FSTL5: variants seen among roughly 807,000 people sequenced by gnomAD.
FSTL5 encodes follistatin like 5, also known as follistatin-related protein 5.
Under a neutral mutation model 89.1 loss-of-function variants are expected in FSTL5, and 62 were observed. The ratio of observed to expected loss-of-function variants is 0.70; its 90% CI spans 0.57 to 0.86. FSTL5 has a LOEUF of 0.86. Among genes scored for constraint, FSTL5 ranks in the 40% least tolerant of loss-of-function variants. FSTL5 has a pLI of 0.00. For synonymous variants in FSTL5, 383 were observed against 346.2 expected, an observed-to-expected ratio of 1.11 and a Z score of -1.18; for missense variants, 1,057 against 1,001.6, an observed-to-expected ratio of 1.06 and a Z score of -0.75.
intron 4 of FSTL5, among the ~76,000 whole-genome samples, chr4:161,915,124 C>T (rs377129694): frequency 3.3e-5 from 5 of 151,972 alleles, no homozygotes; most frequent in African/African-American, 1.2e-4. Flanking sequence ...TGTTGATGGG[C>T]CATTTTTAAA....
At chr4:162,085,560 T>C (rs1730283414) in intron 2 of FSTL5, among the ~76,000 whole-genome samples, 1 of 152,150 alleles carries the variant, frequency 6.6e-6, no homozygotes, top group Non-Finnish European at 1.5e-5. Context: ...CACATATATG[T>C]ATGGAGACAT....
chr4:162,017,004 A>G (rs867458980), intron 3 of FSTL5, among the ~76,000 whole-genome samples: 1 of 152,236 alleles, frequency 6.6e-6, no homozygotes, highest in African/African-American at 2.4e-5. Context: ...TTGATCACAC[A>G]CAAGATTAAA....
chr4:161,464,386 C>T (rs1315559593), intron 13 of FSTL5, among the ~76,000 whole-genome samples: 2 of 152,110 alleles, frequency 1.3e-5, no homozygotes, highest in Non-Finnish European at 2.9e-5. Flanking sequence ...TCATAATTCA[C>T]TTTCTCAGCA....
At chr4:161,590,711 T>G (rs1431279596) in intron 7 of FSTL5, among the ~76,000 whole-genome samples, 1 of 152,188 alleles carries the variant, frequency 6.6e-6, no homozygotes, top group Non-Finnish European at 1.5e-5. Flanking sequence ...CTTCATATGC[T>G]CTACATTGGT....
intron 11 of FSTL5, among the ~76,000 whole-genome samples, chr4:161,500,754 GT>G (rs2126484976): frequency 6.6e-6 from 1 of 152,226 alleles, no homozygotes; most frequent in South Asian, 2.1e-4. Flanking sequence ...TTAATTTAAT[GT>G]TTAAATCATA....
intron 3 of FSTL5, among the ~76,000 whole-genome samples, chr4:161,927,034 CAA>C (rs1734146337): frequency 6.6e-6 from 1 of 151,650 alleles, no homozygotes; most frequent in Non-Finnish European, 1.5e-5. Flanking sequence ...ATATTAGAAA[CAA>C]AATATTTGTT....
chr4:161,812,327 T>C (rs1172052113), intron 4 of FSTL5, among the ~76,000 whole-genome samples: 1 of 152,224 alleles, frequency 6.6e-6, no homozygotes, highest in South Asian at 2.1e-4. Context: ...TTTCTCATTT[T>C]ATGCGTAGGA....
intron 15 of FSTL5, among the ~76,000 whole-genome samples, chr4:161,439,733 C>CAG (rs397804194): frequency 9.2e-4 from 137 of 148,878 alleles, no homozygotes; most frequent in African/African-American, 3.4e-3. Context: ...CACACACACA[C>CAG]CCCACACGCA....
At chr4:161,736,527 A>G (rs1739823583) in intron 6 of FSTL5, among the ~76,000 whole-genome samples, 1 of 152,152 alleles carries the variant, frequency 6.6e-6, no homozygotes, top group Admixed American at 6.6e-5. Flanking sequence ...ACATTTTAGT[A>G]TTGGATAATC....
chr4:161,735,986 T>G (rs770551856), intron 6 of FSTL5, among the ~76,000 whole-genome samples: 11 of 151,906 alleles, frequency 7.2e-5, no homozygotes, highest in Non-Finnish European at 1.6e-4. Flanking sequence ...CAGTGTAAAG[T>G]GAGAGATAAA....
chr4:161,550,690 G>C (rs573253243), intron 8 of FSTL5, among the ~76,000 whole-genome samples: 10 of 151,582 alleles, frequency 6.6e-5, no homozygotes, highest in Non-Finnish European at 2.9e-5. Context: ...CCACTAACTC[G>C]TCATCTAGCA....
chr4:161,768,931 AT>A (rs1203174655), intron 5 of FSTL5, among the ~76,000 whole-genome samples: 2 of 151,882 alleles, frequency 1.3e-5, no homozygotes, highest in African/African-American at 4.8e-5. Context: ...GATAAATAAA[AT>A]TGACAAACCT....
At chr4:161,553,423 G>A (rs1732280369) in intron 8 of FSTL5, among the ~76,000 whole-genome samples, 1 of 151,182 alleles carries the variant, frequency 6.6e-6, no homozygotes, top group African/African-American at 2.4e-5. Flanking sequence ...ATTAGGTAAA[G>A]TATAAAATTT....
At chr4:161,963,440 C>A (rs1735236947) in intron 3 of FSTL5, among the ~76,000 whole-genome samples, 1 of 151,864 alleles carries the variant, frequency 6.6e-6, no homozygotes, top group South Asian at 2.1e-4. Context: ...GTTGCTGCAA[C>A]TGAAATACTA....
intron 2 of FSTL5, among the ~76,000 whole-genome samples, chr4:162,104,470 C>T (rs1440231929): frequency 2.0e-5 from 3 of 152,178 alleles, no homozygotes; most frequent in Non-Finnish European, 4.4e-5. Flanking sequence ...GACCCACTCC[C>T]CGACCCCTGT....
At chr4:162,041,780 T>G (rs1737969416) in intron 2 of FSTL5, 1 of 152,138 alleles carries the variant, frequency 6.6e-6, no homozygotes, top group Non-Finnish European at 1.5e-5. Flanking sequence ...AGGACAGAAT[T>G]TACCACCAGA....
intron 15 of FSTL5, among the ~76,000 whole-genome samples, chr4:161,445,069 A>G (rs530379128): frequency 6.6e-6 from 1 of 152,148 alleles, no homozygotes; most frequent in Non-Finnish European, 1.5e-5. Context: ...GAGCAATACA[A>G]TCTGAAAGCA....
At chr4:161,493,224 T>C (rs1191683498) in intron 12 of FSTL5, among the ~76,000 whole-genome samples, 1 of 151,696 alleles carries the variant, frequency 6.6e-6, no homozygotes, top group Non-Finnish European at 1.5e-5. Context: ...AATAATTATA[T>C]ATATTTCAAT....
chr4:161,818,991 C>T (rs552244667), intron 4 of FSTL5, among the ~76,000 whole-genome samples: 15 of 151,960 alleles, frequency 9.9e-5, no homozygotes, highest in Non-Finnish European at 1.9e-4. Flanking sequence ...TTAATAAATG[C>T]TTAATTTCTG....
Sources: allele counts gnomAD v4.1 joint callset (sites outside exome capture counted in the v4.1 genomes callset), GRCh38; gene constraint gnomAD v4.1.1; transcripts MANE v1.5; gene names NCBI Gene and HGNC (gene_info 2026-07-23, HGNC 2026-07-21).